Variants in AGMO observed in about 807,000 individuals in gnomAD.
The protein encoded by AGMO is alkylglycerol monooxygenase, also known as glyceryl-ether monooxygenase.
Under a neutral mutation model 60.2 loss-of-function variants are expected in AGMO, and 75 were observed. The observed-to-expected ratio is 1.25, with a 90% CI of 1.03 to 1.51. The LOEUF is 1.51. Among genes scored for constraint, AGMO ranks in the 40% most tolerant of loss-of-function variants. AGMO has a pLI of 0.00. For synonymous variants in AGMO, 261 were observed against 177.1 expected (o/e 1.47, Z -3.76); for missense variants, 763 against 525.5 (o/e 1.45, Z -4.42).
chr7:15,135,079 T>C, the AGMO span, among the ~76,000 whole-genome samples: 2 of 151,188 alleles, frequency 1.3e-5, no homozygotes, highest in Non-Finnish European at 2.9e-5. Flanking sequence ...ATAATATATA[T>C]AACACATATA....
chr7:15,373,694 T>C (rs570343662), intron 10 of AGMO, among the ~76,000 whole-genome samples: 1 of 152,138 alleles, frequency 6.6e-6, no homozygotes, highest in African/African-American at 2.4e-5. Flanking sequence ...TGTTTCCATA[T>C]GAAAAAATTC....
At chr7:15,164,211 A>C in the AGMO span, among the ~76,000 whole-genome samples, 2 of 151,886 alleles carry the variant, frequency 1.3e-5, no homozygotes, top group Non-Finnish European at 2.9e-5. Flanking sequence ...AATGAGCTTG[A>C]CCCCTATCTC....
chr7:15,292,153 G>A (rs1433068358), intron 12 of AGMO, among the ~76,000 whole-genome samples: 2 of 152,192 alleles, frequency 1.3e-5, no homozygotes, highest in Admixed American at 6.5e-5. Context: ...AATATGCTGT[G>A]CAAGAGGTGA....
intron 3 of AGMO, among the ~76,000 whole-genome samples, chr7:15,452,674 G>A (rs1182522676): frequency 1.2e-4 from 18 of 152,106 alleles, no homozygotes; most frequent in Admixed American, 1.2e-3. Flanking sequence ...AAACAGTTTC[G>A]CAGTTCTTCA....
chr7:15,160,223 T>G, the AGMO span, among the ~76,000 whole-genome samples: 537 of 152,250 alleles, frequency 3.5e-3, 6 homozygotes, highest in African/African-American at 0.012. Flanking sequence ...CACCTGACCT[T>G]CCGTCACTAC....
Position 15,557,716 on chromosome 7 carries a change from A to G in AGMO, c.257+2425T>C, listed in dbSNP as rs1785184277. On this transcript the variant is annotated intron_variant, in intron 2 of 12. Coordinates refer to ENST00000342526, the MANE Select transcript of AGMO (RefSeq NM_001004320.2). Reference sequence around the variant, plus strand: ...CTGGGATCTTTCAGACAAGGCTGTAAAAGAGAAAATTCCTTGAAAAACTTT... The same window carrying G: ...CTGGGATCTTTCAGACAAGGCTGTAGAAGAGAAAATTCCTTGAAAAACTTT... Among the ~76,000 whole-genome samples, 4 of 152,194 alleles carry G rather than the reference A, an allele frequency of 2.6e-5. No homozygotes were observed. The South Asian group carries it at 8.3e-4, about 32-fold the overall frequency.
Position 15,531,393 on chromosome 7 carries a change from CTA to C in AGMO, c.409+13377_409+13378del, listed in dbSNP as rs1292618234. Among the ~76,000 whole-genome samples, 25 of 54,734 alleles carry C rather than the reference CTA, an allele frequency of 4.6e-4. 1 individual carries two copies. The highest frequency in any genetic ancestry group is 1.6e-3 in the South Asian group (3 of 1,868). The allele number at this position is 54,734 out of a possible 152,430, so 35.9% of individuals were successfully genotyped here. ...ATTCTATATATATTCTATATATATT[CTA>C]TATATATATTCTATATATATTCTAT... is the stretch of plus-strand genomic sequence containing the variant. On this transcript the variant is annotated intron_variant, in intron 3 of 12. Coordinates refer to ENST00000342526, the MANE Select transcript of AGMO (RefSeq NM_001004320.2).
intron 3 of AGMO, among the ~76,000 whole-genome samples, chr7:15,439,121 G>T (rs909719838): frequency 6.6e-6 from 1 of 152,190 alleles, no homozygotes; most frequent in East Asian, 1.9e-4. Context: ...GAACATGACC[G>T]GGCACAGTGG....
chr7:15,425,584 G>A (rs556714291), intron 4 of AGMO, among the ~76,000 whole-genome samples: 11 of 151,786 alleles, frequency 7.2e-5, no homozygotes, highest in Admixed American at 3.3e-4. Flanking sequence ...GACTACAGGC[G>A]TGCACCACCA....
chr7:15,288,188 T>A (rs1330575520), intron 12 of AGMO, among the ~76,000 whole-genome samples: 1 of 152,080 alleles, frequency 6.6e-6, no homozygotes, highest in African/African-American at 2.4e-5. Context: ...CACGCCCGGC[T>A]AATTTTTTTT....
chr7:15,544,105 T>C (rs1158724374), intron 3 of AGMO, among the ~76,000 whole-genome samples: 1 of 151,776 alleles, frequency 6.6e-6, no homozygotes, highest in East Asian at 1.9e-4. Context: ...TTATTCTAAG[T>C]GAATTAACTC....
intron 12 of AGMO, among the ~76,000 whole-genome samples, chr7:15,234,959 G>C (rs955744490): frequency 2.6e-5 from 4 of 151,926 alleles, no homozygotes; most frequent in Non-Finnish European, 4.4e-5. Flanking sequence ...TTCCGTTTTA[G>C]CTTTTCCTAA....
chr7:15,153,090 A>G, the AGMO span, among the ~76,000 whole-genome samples: 1 of 152,034 alleles, frequency 6.6e-6, no homozygotes, highest in Admixed American at 6.5e-5. Context: ...ATAATTAGTG[A>G]TGTTAAGCAT....
Position 15,343,445 on chromosome 7 carries a change from G to A in AGMO, c.1263+22069C>T, listed in dbSNP as rs147156863. Among the ~76,000 whole-genome samples the A allele has an allele frequency of 8.0e-3, 1,214 of 152,240 alleles. 11 individuals carry two copies. Among genetic ancestry groups the A allele is most frequent in the African/African-American group, 0.023 (952 of 41,550 alleles). On this transcript the variant is annotated intron_variant, in intron 12 of 12. Transcript: ENST00000342526. ...AGACAGCCCCAAATCTTAGGATTAA[G>A]AGATTTTAGAATGAAAGGGGCTGGA...
intron 5 of AGMO, among the ~76,000 whole-genome samples, chr7:15,395,496 GT>G (rs1010176271): frequency 6.6e-6 from 1 of 152,032 alleles, no homozygotes; most frequent in Admixed American, 6.6e-5. Context: ...TTCATTGGGA[GT>G]TATAATAACA....
intron 3 of AGMO, among the ~76,000 whole-genome samples, chr7:15,544,257 A>G (rs1426896112): frequency 1.3e-5 from 2 of 152,054 alleles, no homozygotes; most frequent in African/African-American, 2.4e-5. Context: ...AGATTACACA[A>G]TGGGTACAGG....
chr7:15,459,599 T>TTGTGTGTGTGTGTGTGTGTG (rs754526222), intron 3 of AGMO, among the ~76,000 whole-genome samples: 3,073 of 142,174 alleles, frequency 0.022, 112 homozygotes, highest in African/African-American at 0.063. Context: ...GTATGTGCGT[T>TTGTGTGTGTGTGTGTGTGTG]TGTGTGTGTG....
chr7:15,516,569 T>C (rs563364461), intron 3 of AGMO, among the ~76,000 whole-genome samples: 2 of 152,314 alleles, frequency 1.3e-5, no homozygotes, highest in South Asian at 2.1e-4. Flanking sequence ...GAATGATGTG[T>C]TTACTATTTA....
rs1441672470 is a variant in AGMO at position 15,524,136 on chromosome 7, T to C, written c.409+20636A>G. Among the ~76,000 whole-genome samples the C allele has an allele frequency of 3.9e-5, 6 of 152,002 alleles. No individual in the cohort carries two copies. In the South Asian group the frequency reaches 8.3e-4, roughly 21 times the overall value. Reference sequence around the variant, plus strand: ...AACTAAGATTTTCAATGTTAGACAATAGAAGTATAAATATGAAAGTGTAAG... The same window carrying C: ...AACTAAGATTTTCAATGTTAGACAACAGAAGTATAAATATGAAAGTGTAAG... On this transcript the variant is annotated intron_variant, in intron 3 of 12. Transcript: ENST00000342526.
Sources: gnomAD v4.1 joint callset for allele counts (sites outside exome capture counted in the v4.1 genomes callset) on GRCh38, gnomAD v4.1.1 for gene constraint, MANE v1.5 for transcripts, NCBI Gene and HGNC (gene_info 2026-07-23, HGNC 2026-07-21) for gene names.